HTR1F: variants seen among roughly 807,000 people sequenced by gnomAD.
The protein encoded by HTR1F is 5-hydroxytryptamine (serotonin) receptor 1F, G protein-coupled.
HTR1F carries 17 observed loss-of-function variants against 24.0 expected under a neutral mutation model. The observed-to-expected ratio is 0.71, with a 90% confidence interval of 0.48 to 1.06. The LOEUF (loss-of-function observed/expected upper bound fraction) is 1.06, where lower values mean the gene tolerates loss of function less well. HTR1F is among the 50% of genes least tolerant of loss of function. HTR1F has a pLI of 0.00. For synonymous variants in HTR1F, 186 were observed against 156.8 expected (o/e 1.19, Z -1.39); for missense variants, 391 against 427.8 (o/e 0.91, Z 0.76).
At chr3:87,798,817 C>T (rs577000985) in intron 1 of HTR1F, among the ~76,000 whole-genome samples, 2 of 152,314 alleles carry the variant, frequency 1.3e-5, no homozygotes, top group East Asian at 1.9e-4. Flanking sequence ...CCTTATTTTT[C>T]CTGAGGCTCA....
chr3:87,930,875 TTGA>T (rs558967086), intron 2 of HTR1F, among the ~76,000 whole-genome samples: 3 of 152,300 alleles, frequency 2.0e-5, no homozygotes, highest in Non-Finnish European at 2.9e-5. Flanking sequence ...ACACATATTG[TTGA>T]TGTTTTACAA....
intron 2 of HTR1F, among the ~76,000 whole-genome samples, chr3:87,925,934 T>A (rs1255586292): frequency 6.6e-6 from 1 of 152,212 alleles, no homozygotes; most frequent in East Asian, 1.9e-4. Context: ...ATACTTTACT[T>A]GAAATGTAGT....
chr3:87,985,790 C>T (rs765239117), intron 2 of HTR1F, among the ~76,000 whole-genome samples: 9 of 152,134 alleles, frequency 5.9e-5, no homozygotes, highest in Admixed American at 2.6e-4. Flanking sequence ...TTAAACTATG[C>T]GGCTAGGAGC....
chr3:87,888,469 A>AAAAAT (rs961611900), intron 2 of HTR1F, among the ~76,000 whole-genome samples: 4 of 152,120 alleles, frequency 2.6e-5, no homozygotes, highest in East Asian at 1.9e-4. Flanking sequence ...AAGTATAATA[A>AAAAAT]AAAATAAAAT....
chr3:87,806,184 CTT>C (rs1704070688), intron 1 of HTR1F, among the ~76,000 whole-genome samples: 2 of 152,046 alleles, frequency 1.3e-5, no homozygotes, highest in African/African-American at 4.8e-5. Context: ...GATTCCATGT[CTT>C]TGCTATTATG....
chr3:87,821,960 CAGG>C (rs1704368146), intron 1 of HTR1F, among the ~76,000 whole-genome samples, 45 bp from the exon 2 acceptor site: 2 of 152,036 alleles, frequency 1.3e-5, no homozygotes, highest in Admixed American at 1.3e-4. Flanking sequence ...GGGAAAATTT[CAGG>C]AGAAGAGACA....
intron 2 of HTR1F, among the ~76,000 whole-genome samples, chr3:87,945,264 A>C (rs975478086): frequency 1.3e-5 from 2 of 152,140 alleles, no homozygotes; most frequent in African/African-American, 4.8e-5. Flanking sequence ...CACCAGGGAT[A>C]AGACTCCCTG....
intron 2 of HTR1F, among the ~76,000 whole-genome samples, chr3:87,970,798 T>C (rs1705269241): frequency 6.6e-6 from 1 of 152,236 alleles, no homozygotes; most frequent in East Asian, 1.9e-4. Context: ...AGCTCCCTAG[T>C]TACCATGTGC....
At chr3:87,985,352 A>G (rs1487039155) in intron 2 of HTR1F, among the ~76,000 whole-genome samples, 1 of 152,154 alleles carries the variant, frequency 6.6e-6, no homozygotes, top group African/African-American at 2.4e-5. Context: ...AAAAAAAGCA[A>G]AGAAAAAGTA....
chr3:87,823,228 TTA>T (rs1249440250), intron 2 of HTR1F, among the ~76,000 whole-genome samples: 1 of 152,186 alleles, frequency 6.6e-6, no homozygotes, highest in Non-Finnish European at 1.5e-5. Flanking sequence ...TTGTAACAGT[TTA>T]TATTAATTTA....
chr3:87,890,305 C>A (rs1706048060), intron 2 of HTR1F, among the ~76,000 whole-genome samples: 1 of 152,140 alleles, frequency 6.6e-6, no homozygotes, highest in South Asian at 2.1e-4. Flanking sequence ...CAGCAATATA[C>A]CTGAGGGAAT....
At chr3:87,838,345 A>G (rs1559600266) in intron 2 of HTR1F, among the ~76,000 whole-genome samples, 1 of 152,088 alleles carries the variant, frequency 6.6e-6, no homozygotes. Context: ...CAGCTACTCC[A>G]GGGACCCTAA....
At chr3:87,919,667 G>A (rs747136146) in intron 2 of HTR1F, among the ~76,000 whole-genome samples, 1 of 151,956 alleles carries the variant, frequency 6.6e-6, no homozygotes, top group Non-Finnish European at 1.5e-5. Flanking sequence ...ACCACGATAT[G>A]ATACCACCTT....
chr3:87,977,007 T>C (rs545270190), intron 2 of HTR1F, among the ~76,000 whole-genome samples: 36 of 152,298 alleles, frequency 2.4e-4, no homozygotes, highest in Admixed American at 7.8e-4. Flanking sequence ...TGCTAACATA[T>C]TACCTGTTTT....
intron 2 of HTR1F, among the ~76,000 whole-genome samples, chr3:87,896,373 G>A (rs1331999836): frequency 1.3e-5 from 2 of 152,212 alleles, no homozygotes; most frequent in Non-Finnish European, 2.9e-5. Context: ...GCCAGGCACT[G>A]TGCCTGACAG....
At chr3:87,934,980 C>T (rs1164925859) in intron 2 of HTR1F, among the ~76,000 whole-genome samples, 2 of 152,106 alleles carry the variant, frequency 1.3e-5, no homozygotes, top group African/African-American at 4.8e-5. Context: ...ATCCTCCCAC[C>T]CCAGCCTCAC....
chr3:87,868,809 A>G (rs1017599675), intron 2 of HTR1F, among the ~76,000 whole-genome samples: 5 of 152,032 alleles, frequency 3.3e-5, no homozygotes, highest in Non-Finnish European at 5.9e-5. Context: ...GCATGAAGTT[A>G]GCTTAATTGC....
rs869086809 is a variant in HTR1F at position 87,946,629 on chromosome 3, T to TA, written c.-42-44079_-42-44078insA. 1.9e-3 allele frequency among the ~76,000 whole-genome samples: 127 copies of TA among 65,564 alleles called. 1 individual carries two copies. The highest frequency in any genetic ancestry group is 4.7e-3 in the African/African-American group (113 of 24,178). 43.0% of individuals were successfully genotyped at this position (65,564 alleles called of 152,430 possible). A position where few individuals can be genotyped will look rare whatever the true frequency, so the allele number is the denominator to read the frequency against. On this transcript the variant is annotated intron_variant, in intron 2 of 2. Coordinates refer to ENST00000319595, the MANE Select transcript of HTR1F (RefSeq NM_001322209.2). ...TGTGTGTGTATATATATATATATAT[T>TA]TTTTTTTTTTTTTAAACAGTCTCAC...
At chr3:87,879,590 TC>T (rs1705744709) in intron 2 of HTR1F, among the ~76,000 whole-genome samples, 1 of 152,170 alleles carries the variant, frequency 6.6e-6, no homozygotes. Flanking sequence ...ATAAGAACAT[TC>T]TAGGATATGT....
Sources: allele counts gnomAD v4.1 joint callset (sites outside exome capture counted in the v4.1 genomes callset), GRCh38; gene constraint gnomAD v4.1.1; transcripts MANE v1.5; gene names NCBI Gene and HGNC (gene_info 2026-07-23, HGNC 2026-07-21).